DCC: variants seen among roughly 807,000 people sequenced by gnomAD.
DCC encodes the protein netrin receptor DCC.
DCC carries 58 observed loss-of-function variants against 172.5 expected under a neutral mutation model. The ratio of observed to expected loss-of-function variants is 0.34; its 90% CI spans 0.27 to 0.42. The LOEUF is 0.42. DCC is among the 10% of genes least tolerant of loss of function. DCC has a pLI of 1.00. For synonymous variants in DCC, 709 were observed against 644.5 expected (o/e 1.10, Z -1.52); for missense variants, 1,740 against 1,791.0 (o/e 0.97, Z 0.51).
intron 7 of DCC, among the ~76,000 whole-genome samples, chr18:53,084,485 C>A (rs983392023): frequency 6.6e-6 from 1 of 152,050 alleles, no homozygotes; most frequent in African/African-American, 2.4e-5. Context: ...GAGGTTTGTG[C>A]AGGATATGAG....
intron 2 of DCC, among the ~76,000 whole-genome samples, chr18:52,769,796 T>C (rs1380184397): frequency 6.6e-6 from 1 of 152,226 alleles, no homozygotes; most frequent in Non-Finnish European, 1.5e-5. Flanking sequence ...TATTTTTCTT[T>C]TGCATGATGA....
chr18:52,617,918 C>T (rs2034414014), intron 1 of DCC, among the ~76,000 whole-genome samples: 1 of 152,124 alleles, frequency 6.6e-6, no homozygotes, highest in Non-Finnish European at 1.5e-5. Context: ...TTCATTTGAG[C>T]CATGTCTATA....
chr18:52,906,594 G>A (rs1223506730), intron 3 of DCC, among the ~76,000 whole-genome samples: 1 of 149,170 alleles, frequency 6.7e-6, no homozygotes, highest in African/African-American at 2.5e-5. Context: ...AATATTTAGT[G>A]AGTATTTCTT....
intron 7 of DCC, among the ~76,000 whole-genome samples, chr18:53,081,247 A>G (rs2042796750): frequency 1.3e-5 from 2 of 152,056 alleles, no homozygotes; most frequent in Non-Finnish European, 2.9e-5. Flanking sequence ...TTATGTAATG[A>G]GTTCACAAAT....
At chr18:53,012,713 T>G (rs1477264478) in intron 5 of DCC, among the ~76,000 whole-genome samples, 5 of 152,078 alleles carry the variant, frequency 3.3e-5, no homozygotes, top group Admixed American at 2.0e-4. Flanking sequence ...GAGTTGTTAC[T>G]TAATTAAAAT....
chr18:53,178,112 T>A (rs1447639572), intron 8 of DCC, among the ~76,000 whole-genome samples: 1 of 152,174 alleles, frequency 6.6e-6, no homozygotes, highest in South Asian at 2.1e-4. Flanking sequence ...CTCAGTTCAA[T>A]CAGCTATATG....
At chr18:53,100,697 T>C (rs1355311477) in intron 7 of DCC, among the ~76,000 whole-genome samples, 1 of 151,994 alleles carries the variant, frequency 6.6e-6, no homozygotes, top group East Asian at 1.9e-4. Context: ...GAGCTACCTG[T>C]GTAGCAGAGG....
intron 2 of DCC, among the ~76,000 whole-genome samples, chr18:52,790,888 C>T (rs1346491653): frequency 1.3e-5 from 2 of 152,160 alleles, no homozygotes; most frequent in African/African-American, 4.8e-5. Context: ...CTTCTATATA[C>T]CTATCAGGGT....
At chr18:53,090,365 C>T (rs1426503910) in intron 7 of DCC, among the ~76,000 whole-genome samples, 1 of 151,852 alleles carries the variant, frequency 6.6e-6, no homozygotes, top group East Asian at 1.9e-4. Flanking sequence ...ATACTATGGG[C>T]TATGCAGAAA....
chr18:52,345,216 T>C (rs1384419329), intron 1 of DCC, among the ~76,000 whole-genome samples: 3 of 152,234 alleles, frequency 2.0e-5, no homozygotes, highest in Non-Finnish European at 2.9e-5. Context: ...GGCCAAAGAA[T>C]AATGTCACAA....
chr18:53,045,538 G>C (rs898112024), intron 5 of DCC, among the ~76,000 whole-genome samples: 6 of 151,602 alleles, frequency 4.0e-5, no homozygotes, highest in African/African-American at 1.4e-4. Context: ...ATACATACAG[G>C]CACACACACA....
rs77841911 is a variant in DCC at position 52,658,302 on chromosome 18, A to G, written c.92-93752A>G. ...ATTTCATTCCTAGCATTTTGATTTG[A>G]TTTCTGATTAATTCTCAAAACATCC... On this transcript the variant is annotated intron_variant, in intron 1 of 28. Transcript: ENST00000442544. 1.9e-4 allele frequency among the ~76,000 whole-genome samples: 29 copies of G among 152,286 alleles called. No homozygotes were observed. In the East Asian group the frequency reaches 5.2e-3, roughly 27 times the overall value.
At position 52,703,569 on chromosome 18, in the gene DCC, G is replaced by A. The variant is rs117468217; in HGVS notation, c.92-48485G>A. Among the ~76,000 whole-genome samples, 934 of 152,140 alleles carry A rather than the reference G, an allele frequency of 6.1e-3. 11 individuals are homozygous for A. Among genetic ancestry groups the A allele is most frequent in the Middle Eastern group, 0.014 (4 of 294 alleles). On this transcript the variant is annotated intron_variant, in intron 1 of 28. Coordinates refer to ENST00000442544, the MANE Select transcript of DCC (RefSeq NM_005215.4). ...CAAGGCAAGGCCAGATTTGAACAGC[G>A]AGGAAAAGTAAATGATACAGGCTGG...
intron 12 of DCC, among the ~76,000 whole-genome samples, chr18:53,282,593 A>G (rs1384018659): frequency 6.6e-6 from 1 of 152,182 alleles, no homozygotes; most frequent in Non-Finnish European, 1.5e-5. Flanking sequence ...ATTATACTGA[A>G]GCATTATAGG....
chr18:52,918,526 C>T (rs923092352), intron 3 of DCC, among the ~76,000 whole-genome samples: 3 of 152,122 alleles, frequency 2.0e-5, no homozygotes, highest in African/African-American at 4.8e-5. Context: ...AATTTCTACA[C>T]ACTTTGCAAT....
chr18:52,470,116 G>T (rs1234991679), intron 1 of DCC, among the ~76,000 whole-genome samples: 1 of 152,180 alleles, frequency 6.6e-6, no homozygotes, highest in African/African-American at 2.4e-5. Context: ...AGAATATTTA[G>T]AAATGTATAA....
intron 7 of DCC, among the ~76,000 whole-genome samples, chr18:53,112,457 A>G (rs903472129): frequency 2.6e-5 from 4 of 151,518 alleles, no homozygotes; most frequent in Non-Finnish European, 4.4e-5. Flanking sequence ...TCACTCATAT[A>G]ATAAATGGCA....
At chr18:53,186,069 T>C (rs1005462688) in intron 9 of DCC, among the ~76,000 whole-genome samples, 4 of 152,218 alleles carry the variant, frequency 2.6e-5, no homozygotes, top group Non-Finnish European at 5.9e-5. Flanking sequence ...GTAATTTCCC[T>C]AAGAAGCTTC....
chr18:53,380,944 T>A (rs117642786), intron 15 of DCC, among the ~76,000 whole-genome samples: 2,941 of 152,258 alleles, frequency 0.019, 56 homozygotes, highest in Non-Finnish European at 0.028. Flanking sequence ...GTGATTAGTA[T>A]AATTCATTAA....
Sources: gnomAD v4.1 joint callset for allele counts (sites outside exome capture counted in the v4.1 genomes callset) on GRCh38, gnomAD v4.1.1 for gene constraint, MANE v1.5 for transcripts, NCBI Gene and HGNC (gene_info 2026-07-23, HGNC 2026-07-21) for gene names.